CDH22: variants seen among roughly 807,000 people sequenced by gnomAD.
CDH22 encodes the protein cadherin 22.
Under a neutral mutation model 58.4 loss-of-function variants are expected in CDH22, and 30 were observed. The observed-to-expected ratio is 0.51, with a 90% CI of 0.38 to 0.70. CDH22 has a LOEUF of 0.70. Among genes scored for constraint, CDH22 ranks in the 30% least tolerant of loss-of-function variants. The pLI is 0.00. For missense variants in CDH22, 1,014 were observed against 1,233.9 expected (o/e 0.82, Z 2.67); for synonymous variants, 513 against 558.2 (o/e 0.92, Z 1.14).
intron 7 of CDH22, among the ~76,000 whole-genome samples, chr20:46,201,976 G>A (rs1273536115): frequency 6.6e-6 from 1 of 152,076 alleles, no homozygotes; most frequent in Non-Finnish European, 1.5e-5. Context: ...AGACTCTGGG[G>A]ATAAAGTGGC....
chr20:46,195,119 G>T (rs146714723), intron 8 of CDH22, among the ~76,000 whole-genome samples: 59 of 152,280 alleles, frequency 3.9e-4, no homozygotes, highest in African/African-American at 1.4e-3. Flanking sequence ...CAAAACCAAG[G>T]TAACAAGATG....
chr20:46,259,236 C>T (rs889019799), intron 1 of CDH22, among the ~76,000 whole-genome samples: 3 of 152,232 alleles, frequency 2.0e-5, no homozygotes, highest in Non-Finnish European at 2.9e-5. Context: ...TGGCAACAGC[C>T]ATTCAGCATT....
rs74603788 is a variant in CDH22 at position 46,263,773 on chromosome 20, T to C, written c.-399-12080A>G. 7.0e-4 allele frequency among the ~76,000 whole-genome samples: 105 copies of C among 150,320 alleles called. 6 individuals carry two copies. The East Asian group carries it at 0.02, about 29-fold the overall frequency. On this transcript the variant is annotated intron_variant, in intron 1 of 11. Transcript: ENST00000537909. ...ACAGCTGAGGACGGGCCTGGAGGAG[T>C]TGAGATTTTGACTCAACCAGAAGGC...
At chr20:46,295,453 C>T (rs182405864) in intron 1 of CDH22, among the ~76,000 whole-genome samples, 27 of 152,312 alleles carry the variant, frequency 1.8e-4, no homozygotes, top group Admixed American at 3.3e-4. Context: ...GAATGCTAGG[C>T]ACTGTTCTAA....
At chr20:46,233,806 C>T (rs1004443720) in intron 3 of CDH22, among the ~76,000 whole-genome samples, 4 of 152,234 alleles carry the variant, frequency 2.6e-5, no homozygotes, top group Non-Finnish European at 4.4e-5. Flanking sequence ...CTGTCCCGTT[C>T]CCCCCAGCAC....
At chr20:46,188,342 G>C (rs973593146) in intron 8 of CDH22, among the ~76,000 whole-genome samples, 1 of 152,152 alleles carries the variant, frequency 6.6e-6, no homozygotes, top group African/African-American at 2.4e-5. Context: ...TCCAAGCCAG[G>C]TCATTTGACC....
chr20:46,198,754 G>A (rs1014965518), intron 8 of CDH22, among the ~76,000 whole-genome samples: 1 of 152,138 alleles, frequency 6.6e-6, no homozygotes, highest in African/African-American at 2.4e-5. Context: ...TTCCTCCAAC[G>A]TGCTTGGCAA....
At chr20:46,250,980 T>A in intron 2 of CDH22, 60 bp downstream of exon 2, 1 of 1,010,284 alleles carries the variant, frequency 9.9e-7, no homozygotes, top group Non-Finnish European at 1.6e-6. Flanking sequence ...GTTTCTTGTA[T>A]CTACCCGTGG....
intron 11 of CDH22, among the ~76,000 whole-genome samples, chr20:46,176,201 C>A (rs1343859947): frequency 3.3e-5 from 5 of 152,132 alleles, no homozygotes; most frequent in African/African-American, 1.2e-4. Context: ...TTGGAGCTCT[C>A]CTTTGGTCTC....
chr20:46,295,920 T>C (rs1279712782), intron 1 of CDH22, among the ~76,000 whole-genome samples: 2 of 152,118 alleles, frequency 1.3e-5, no homozygotes, highest in Non-Finnish European at 2.9e-5. Context: ...GTGCTGCCAC[T>C]CTTGGCTAAT....
At chr20:46,303,173 C>T (rs1049994963) in intron 1 of CDH22, among the ~76,000 whole-genome samples, 3 of 152,236 alleles carry the variant, frequency 2.0e-5, no homozygotes, top group African/African-American at 7.2e-5. Context: ...GACTCCCACT[C>T]CCTGAACCCC....
intron 1 of CDH22, among the ~76,000 whole-genome samples, chr20:46,284,472 C>A (rs2086566987): frequency 1.3e-5 from 2 of 152,166 alleles, no homozygotes; most frequent in South Asian, 4.1e-4. Flanking sequence ...TTATTGAATC[C>A]CTGCTGTATG....
intron 1 of CDH22, among the ~76,000 whole-genome samples, chr20:46,281,189 G>A (rs2086549300): frequency 6.6e-6 from 1 of 152,198 alleles, no homozygotes; most frequent in Non-Finnish European, 1.5e-5. Context: ...AGAACATGTT[G>A]TCTGTGTGGA....
At chr20:46,224,089 G>A (rs2086153739) in intron 4 of CDH22, among the ~76,000 whole-genome samples, 1 of 152,190 alleles carries the variant, frequency 6.6e-6, no homozygotes, top group Non-Finnish European at 1.5e-5. Flanking sequence ...CTGGCCTCAA[G>A]TGATCCACCC....
chr20:46,206,942 A>G (rs1273575566), intron 7 of CDH22, among the ~76,000 whole-genome samples: 3 of 152,180 alleles, frequency 2.0e-5, no homozygotes, highest in Non-Finnish European at 4.4e-5. Context: ...GGACTCTGGC[A>G]GCACACATGG....
At chr20:46,265,830 CCTT>C (rs2086456675) in intron 1 of CDH22, among the ~76,000 whole-genome samples, 1 of 152,162 alleles carries the variant, frequency 6.6e-6, no homozygotes, top group Admixed American at 6.6e-5. Flanking sequence ...TTCCCTTCCA[CCTT>C]CTTCTCTTCT....
At chr20:46,230,318 C>T (rs554006996) in intron 3 of CDH22, among the ~76,000 whole-genome samples, 3 of 152,208 alleles carry the variant, frequency 2.0e-5, no homozygotes, top group South Asian at 4.2e-4. Flanking sequence ...GTGGATGGGT[C>T]GGGAGGAGTG....
At chr20:46,243,678 A>G (rs544813320) in intron 2 of CDH22, among the ~76,000 whole-genome samples, 38 of 152,098 alleles carry the variant, frequency 2.5e-4, no homozygotes, top group Admixed American at 2.4e-3. Context: ...CCCAGGGGAG[A>G]TGGGATGAGA....
At chr20:46,286,202 C>T (rs909014314) in intron 1 of CDH22, among the ~76,000 whole-genome samples, 1 of 152,086 alleles carries the variant, frequency 6.6e-6, no homozygotes, top group African/African-American at 2.4e-5. Flanking sequence ...TTCTCTTACT[C>T]AAAGAGAAGA....
Sources: gnomAD v4.1 joint callset for allele counts (sites outside exome capture counted in the v4.1 genomes callset) on GRCh38, gnomAD v4.1.1 for gene constraint, MANE v1.5 for transcripts, NCBI Gene and HGNC (gene_info 2026-07-23, HGNC 2026-07-21) for gene names.